SP140: variants seen among roughly 807,000 people sequenced by gnomAD.
The protein encoded by SP140 is nuclear body protein SP140.
Under a neutral mutation model 125.0 loss-of-function variants are expected in SP140, and 81 were observed. The ratio of observed to expected loss-of-function variants is 0.65; its 90% CI spans 0.54 to 0.78. The LOEUF is 0.78. Among genes scored for constraint, SP140 ranks in the 30% least tolerant of loss-of-function variants. The pLI is 0.00. For synonymous variants in SP140, 312 were observed against 354.0 expected (o/e 0.88, Z 1.33); for missense variants, 858 against 1,037.0 (o/e 0.83, Z 2.37).
At chr2:230,249,930 T>C (rs1195927193) in intron 9 of SP140, among the ~76,000 whole-genome samples, 1 of 152,198 alleles carries the variant, frequency 6.6e-6, no homozygotes, top group Non-Finnish European at 1.5e-5. Flanking sequence ...CCCAGTCTCA[T>C]CTGCTCAGGT....
At chr2:230,303,626 A>G (rs891637477) in intron 22 of SP140, among the ~76,000 whole-genome samples, 1 of 152,186 alleles carries the variant, frequency 6.6e-6, no homozygotes, top group Non-Finnish European at 1.5e-5. Context: ...CAAATGTGAT[A>G]TACCACATAA....
intron 18 of SP140, among the ~76,000 whole-genome samples, chr2:230,290,194 G>A (rs753485937): frequency 2.1e-4 from 32 of 152,152 alleles, no homozygotes; most frequent in Admixed American, 2.0e-4. Flanking sequence ...TGGAGCTTAC[G>A]AGATTAGGAG....
chr2:230,242,754 A>G (rs1298045942), intron 4 of SP140, among the ~76,000 whole-genome samples: 1 of 152,074 alleles, frequency 6.6e-6, no homozygotes, highest in African/African-American at 2.4e-5. Flanking sequence ...GCCCTCAAAT[A>G]CATGCCAGTT....
intron 22 of SP140, among the ~76,000 whole-genome samples, chr2:230,306,368 T>A (rs1440431778): frequency 2.6e-5 from 4 of 152,214 alleles, no homozygotes; most frequent in African/African-American, 9.6e-5. Flanking sequence ...CATCCACAAC[T>A]GCTGCAGGAG....
downstream of SP140, among the ~76,000 whole-genome samples, chr2:230,315,939 G>A (rs1374526674): frequency 6.6e-6 from 1 of 152,198 alleles, no homozygotes; most frequent in Non-Finnish European, 1.5e-5. Context: ...GCCTTAGCAA[G>A]TGATATGCAA....
Position 230,237,075 on chromosome 2 carries a change from T to G in SP140, c.60-8T>G. ...TGTCTACTTCCACGTTGTATCTTTG[T>G]TTCTTAGGATGGTCGCAGAGATCCA... On this transcript the variant is annotated splice_polypyrimidine_tract_variant and splice_region_variant and intron_variant, in intron 1 of 26. Coordinates refer to ENST00000392045, the MANE Select transcript of SP140 (RefSeq NM_007237.5). This position sits in a 1 kb window ranked among gnomAD's most constrained non-coding sequence, Gnocchi z 5.4. 4 of 1,560,386 alleles carry G rather than the reference T, an allele frequency of 2.6e-6. No homozygotes were observed. The highest frequency in any genetic ancestry group is 3.5e-6 in the Non-Finnish European group (4 of 1,156,156).
At chr2:230,279,768 G>A (rs1040878784) in intron 15 of SP140, among the ~76,000 whole-genome samples, 1 of 152,044 alleles carries the variant, frequency 6.6e-6, no homozygotes, top group East Asian at 1.9e-4. Flanking sequence ...TCTGGTTCTC[G>A]ACAACAGCTG....
the SP140 span, among the ~76,000 whole-genome samples, chr2:230,190,482 A>G: frequency 1.3e-5 from 2 of 152,150 alleles, no homozygotes; most frequent in Non-Finnish European, 1.5e-5. Flanking sequence ...GTGGATTGCA[A>G]AATTTTTCTC....
At chr2:230,308,417 G>A (rs1004525234) in intron 22 of SP140, among the ~76,000 whole-genome samples, 5 of 152,088 alleles carry the variant, frequency 3.3e-5, no homozygotes, top group African/African-American at 9.7e-5. Context: ...TTAAGGATTC[G>A]ACATACTTAA....
At chr2:230,248,644 T>A (rs2049876613) in intron 8 of SP140, among the ~76,000 whole-genome samples, 1 of 152,080 alleles carries the variant, frequency 6.6e-6, no homozygotes, top group African/African-American at 2.4e-5. Context: ...AGAAGCCAGT[T>A]GGAGAGAAGA....
chr2:230,268,869 G>T (rs187892411), intron 12 of SP140, among the ~76,000 whole-genome samples: 1 of 152,270 alleles, frequency 6.6e-6, no homozygotes, highest in African/African-American at 2.4e-5. Context: ...ATCTCGGCAG[G>T]AACTCCAATT....
upstream of SP140, among the ~76,000 whole-genome samples, chr2:230,198,950 C>T (rs1053181625): frequency 1.1e-4 from 17 of 151,956 alleles, no homozygotes; most frequent in Non-Finnish European, 2.5e-4. Context: ...TTTGACTTTG[C>T]CATTTTCTCT....
At chr2:230,218,352 T>C (rs1431976959) in intron 3 of SP140, among the ~76,000 whole-genome samples, 1 of 152,088 alleles carries the variant, frequency 6.6e-6, no homozygotes, top group Non-Finnish European at 1.5e-5. Flanking sequence ...AAAATACTCA[T>C]GAAAAGAATA....
At chr2:230,222,833 T>C (rs2045932855), upstream of SP140, among the ~76,000 whole-genome samples, 1 of 147,114 alleles carries the variant, frequency 6.8e-6, no homozygotes, top group Non-Finnish European at 1.5e-5. Context: ...GTTTCGTGTG[T>C]ATTAAAGTTT....
chr2:230,307,990 T>TATATATATATATAC (rs869070046), intron 22 of SP140, among the ~76,000 whole-genome samples: 13 of 52,634 alleles, frequency 2.5e-4, no homozygotes, highest in South Asian at 1.0e-3. Flanking sequence ...TATATATATA[T>TATATATATATATAC]ACACACACAC....
intron 3 of SP140, among the ~76,000 whole-genome samples, chr2:230,240,083 A>T (rs1410315816): frequency 6.6e-6 from 1 of 152,212 alleles, no homozygotes; most frequent in African/African-American, 2.4e-5. Flanking sequence ...AAATGGGCAG[A>T]AGTAGAATGA....
Position 230,241,484 on chromosome 2 carries a change from C to A in SP140, c.487C>A (p.Gln163Lys), listed in dbSNP as rs781683831. 1.3e-6 allele frequency: 2 copies of A among 1,538,506 alleles called. No individual in the cohort carries two copies. The highest frequency in any genetic ancestry group is 2.2e-5 in the South Asian group (2 of 89,540). ...ACCCAGATTACTACCATATGGTAAA[C>A]AAGGTAACTATCATTTAGCTGATCA... ...DRPRLLPYGK[Q>K]ENSNACHEMD... The change falls in exon 4 of 27, where the codon CAA becomes AAA. Residue 163 changes from glutamine (Q) to lysine (K), a missense_variant. Transcript: ENST00000392045.
At chr2:230,239,217 G>A in intron 3 of SP140, 1 of 282,302 alleles carries the variant, frequency 3.5e-6, no homozygotes, top group South Asian at 7.3e-5. Flanking sequence ...TACTGTGCAT[G>A]CCTCCTTTGG....
chr2:230,258,672 C>T (rs1175224217), intron 12 of SP140, among the ~76,000 whole-genome samples: 2 of 152,152 alleles, frequency 1.3e-5, no homozygotes, highest in African/African-American at 2.4e-5. Flanking sequence ...TCCTGGAAAA[C>T]GTGGCTTTCC....
Sources: allele counts gnomAD v4.1 joint callset (sites outside exome capture counted in the v4.1 genomes callset), GRCh38; gene constraint gnomAD v4.1.1; non-coding constraint Gnocchi (gnomAD v3.1); transcripts MANE v1.5; gene names NCBI Gene and HGNC (gene_info 2026-07-23, HGNC 2026-07-21).